Variants in KCNMA1 observed in about 807,000 individuals in gnomAD.
KCNMA1 encodes the protein potassium calcium-activated channel subfamily M alpha 1, also known as Calcium-activated potassium channel subunit alpha-1.
KCNMA1 carries 29 observed loss-of-function variants against 140.0 expected under a neutral mutation model. The ratio of observed to expected loss-of-function variants is 0.21; its 90% CI spans 0.15 to 0.28. The LOEUF (loss-of-function observed/expected upper bound fraction) is 0.28. Ranked by LOEUF, KCNMA1 falls within the 10% of genes least tolerant of loss-of-function variation. KCNMA1 has a pLI of 1.00. For synonymous variants in KCNMA1, 612 were observed against 611.9 expected, an observed-to-expected ratio of 1.00 and a Z score of 0.00; for missense variants, 880 against 1,602.2, an observed-to-expected ratio of 0.55 and a Z score of 7.70.
At chr10:77,210,677 AT>A (rs2045768598) in intron 3 of KCNMA1, among the ~76,000 whole-genome samples, 1 of 152,216 alleles carries the variant, frequency 6.6e-6, no homozygotes, top group Admixed American at 6.5e-5. Context: ...AAAGATTCTT[AT>A]AAAAGGCTGT....
intron 25 of KCNMA1, chr10:76,903,554 G>A (rs2046483932): frequency 6.6e-6 from 1 of 152,166 alleles, no homozygotes; most frequent in South Asian, 2.1e-4. Context: ...CCATGTACCC[G>A]ACTGACACCA....
intron 1 of KCNMA1, among the ~76,000 whole-genome samples, chr10:77,502,095 TA>T (rs1255137193): frequency 6.6e-6 from 1 of 151,836 alleles, no homozygotes; most frequent in East Asian, 1.9e-4. Flanking sequence ...TCACACAACA[TA>T]AAAATCTAAC....
At chr10:77,390,561 C>T (rs1603458660) in intron 2 of KCNMA1, among the ~76,000 whole-genome samples, 1 of 152,198 alleles carries the variant, frequency 6.6e-6, no homozygotes, top group Admixed American at 6.5e-5. Context: ...AAAACAACTC[C>T]TTTCCTTTGC....
intron 1 of KCNMA1, among the ~76,000 whole-genome samples, chr10:77,611,479 A>C (rs548621618): frequency 6.7e-4 from 102 of 152,306 alleles, no homozygotes; most frequent in Non-Finnish European, 1.1e-3. Context: ...CCACCTTTCC[A>C]ACTATATGAG....
chr10:77,508,460 G>C (rs2046980705), intron 1 of KCNMA1, among the ~76,000 whole-genome samples: 1 of 151,166 alleles, frequency 6.6e-6, no homozygotes, highest in African/African-American at 2.4e-5. Flanking sequence ...TCCAGGATTA[G>C]AGGCGCGAGT....
At chr10:77,425,097 A>G (rs1015525279) in intron 1 of KCNMA1, among the ~76,000 whole-genome samples, 1 of 149,970 alleles carries the variant, frequency 6.7e-6, no homozygotes, top group Non-Finnish European at 1.5e-5. Flanking sequence ...GGATGGATGG[A>G]TGGATGGATG....
chr10:77,021,678 A>C (rs1237779504), intron 16 of KCNMA1, among the ~76,000 whole-genome samples: 1 of 152,212 alleles, frequency 6.6e-6, no homozygotes, highest in East Asian at 1.9e-4. Context: ...AAGCATCTCT[A>C]ATTACCTCAC....
intron 3 of KCNMA1, among the ~76,000 whole-genome samples, chr10:77,231,899 C>T (rs975367697): frequency 2.5e-4 from 38 of 152,342 alleles, no homozygotes; most frequent in African/African-American, 8.9e-4. Context: ...AAAACACTTT[C>T]ATCACCTCAA....
At chr10:77,580,125 T>C in intron 1 of KCNMA1, among the ~76,000 whole-genome samples, 1 of 152,204 alleles carries the variant, frequency 6.6e-6, no homozygotes, top group East Asian at 1.9e-4. Flanking sequence ...CTCATGCCTG[T>C]AATCCCAGCA....
intron 1 of KCNMA1, among the ~76,000 whole-genome samples, chr10:77,414,278 T>G (rs961964021): frequency 2.6e-5 from 4 of 151,934 alleles, no homozygotes; most frequent in Non-Finnish European, 4.4e-5. Flanking sequence ...ATCATTTCCC[T>G]CCCCCGGGAA....
chr10:77,540,486 G>A lies in KCNMA1; in HGVS notation c.378+96779C>T, dbSNP rs544176174. 6.6e-5 allele frequency among the ~76,000 whole-genome samples: 10 copies of A among 152,250 alleles called. No individual in the cohort carries two copies. In the South Asian group the frequency reaches 2.1e-3, roughly 32 times the overall value. On this transcript the variant is annotated intron_variant, in intron 1 of 27. Coordinates refer to ENST00000286628, the MANE Select transcript of KCNMA1 (RefSeq NM_001161352.2). ...TTCATCTTCTTGATACCATACTTAT[G>A]GATAAAAATAATACTTAGTGGCTCT...
At chr10:77,500,446 G>C (rs370245633) in intron 1 of KCNMA1, among the ~76,000 whole-genome samples, 4 of 152,146 alleles carry the variant, frequency 2.6e-5, no homozygotes, top group African/African-American at 9.7e-5. Context: ...CCAGGAGTTT[G>C]AAACCAGCCA....
At chr10:77,339,898 C>G (rs888079280) in intron 2 of KCNMA1, among the ~76,000 whole-genome samples, 5 of 152,238 alleles carry the variant, frequency 3.3e-5, no homozygotes, top group Admixed American at 2.0e-4. Flanking sequence ...CTGAAGCTCT[C>G]CATCTCTCTT....
chr10:77,487,854 T>A (rs2098479179), intron 1 of KCNMA1, among the ~76,000 whole-genome samples: 1 of 152,110 alleles, frequency 6.6e-6, no homozygotes, highest in African/African-American at 2.4e-5. Context: ...AAATGCAAAG[T>A]TGTCCCTACC....
chr10:77,463,456 G>C (rs1032165757), intron 1 of KCNMA1, among the ~76,000 whole-genome samples: 1 of 112,524 alleles, frequency 8.9e-6, no homozygotes, highest in Admixed American at 8.8e-5. Context: ...GTGGGACCAA[G>C]GAGAGGGGCA....
At chr10:77,139,471 A>G (rs2098120949) in intron 5 of KCNMA1, among the ~76,000 whole-genome samples, 1 of 152,232 alleles carries the variant, frequency 6.6e-6, no homozygotes, top group Non-Finnish European at 1.5e-5. Flanking sequence ...AGGATTGACT[A>G]GGTTTCACTT....
rs80347217 is a variant in KCNMA1 at position 77,420,083 on chromosome 10, C to T, written c.379-16060G>A. 7.5e-3 allele frequency among the ~76,000 whole-genome samples: 1,141 copies of T among 152,354 alleles called. 6 individuals are homozygous for T. Among genetic ancestry groups the T allele is most frequent in the Non-Finnish European group, 0.012 (805 of 68,036 alleles). On this transcript the variant is annotated intron_variant, in intron 1 of 27. Transcript: ENST00000286628. ...GAAGGGCCTGAAGTGAATTGGGGTA[C>T]GCAGGGCCCTGGCCATCAGTGAAAG... is the stretch of plus-strand genomic sequence containing the variant.
rs200166976 is a variant in KCNMA1 at position 76,949,340 on chromosome 10, G to A, written c.2511C>T (p.Val837=). 13 of 1,613,964 alleles carry A rather than the reference G, an allele frequency of 8.1e-6. No individual in the cohort carries two copies. Among genetic ancestry groups the A allele is most frequent in the Admixed American group, 3.3e-5 (2 of 59,996 alleles). ...ILTRSEAAMT[V]LSGHVVVCIF... is the part of the protein sequence containing the mutation. ...TGCAGACCACGACATGGCCACTCAGGACGGTCATGGCAGCTTCACTTCGAG... is the reference window on the plus strand; with the variant it reads ...TGCAGACCACGACATGGCCACTCAGAACGGTCATGGCAGCTTCACTTCGAG... The change falls in exon 22 of 28, where the codon GTC becomes GTT. Residue 837 remains valine (V), a synonymous_variant. Transcript: ENST00000286628.
At chr10:77,177,116 C>T (rs931791356) in intron 5 of KCNMA1, among the ~76,000 whole-genome samples, 1 of 152,108 alleles carries the variant, frequency 6.6e-6, no homozygotes, top group Non-Finnish European at 1.5e-5. Flanking sequence ...GGAATCTTCC[C>T]TAGAGCCTCT....
Sources: allele counts gnomAD v4.1 joint callset (sites outside exome capture counted in the v4.1 genomes callset), GRCh38; gene constraint gnomAD v4.1.1; transcripts MANE v1.5; gene names NCBI Gene and HGNC (gene_info 2026-07-23, HGNC 2026-07-21).